TEAD1: variants seen among roughly 807,000 people sequenced by gnomAD.
The protein encoded by TEAD1 is TEA domain transcription factor 1.
A neutral mutation model predicts 54.9 loss-of-function variants in TEAD1; 9 were observed. The ratio of observed to expected loss-of-function variants is 0.16; its 90% confidence interval spans 0.10 to 0.29. The LOEUF (loss-of-function observed/expected upper bound fraction) is 0.29, where lower values mean the gene tolerates loss of function less well. TEAD1 is among the 10% of genes least tolerant of loss of function. TEAD1 has a pLI of 1.00. For missense variants in TEAD1, 387 were observed against 535.9 expected, an observed-to-expected ratio of 0.72 and a Z score of 2.74; for synonymous variants, 200 against 187.8, an observed-to-expected ratio of 1.07 and a Z score of -0.53.
At chr11:12,801,140 G>A (rs549776169) in intron 3 of TEAD1, among the ~76,000 whole-genome samples, 16 of 152,362 alleles carry the variant, frequency 1.1e-4, no homozygotes, top group African/African-American at 2.9e-4. Flanking sequence ...CATCTGCAAA[G>A]CAAGAATTTA....
chr11:12,865,121 G>C, intron 5 of TEAD1: 1 of 602,388 alleles, frequency 1.7e-6, no homozygotes, highest in East Asian at 2.9e-5. Flanking sequence ...GTGTGTGTGC[G>C]TGTGTATGTG....
intron 5 of TEAD1, among the ~76,000 whole-genome samples, chr11:12,874,749 A>T (rs1947820697): frequency 6.6e-6 from 1 of 152,126 alleles, no homozygotes; most frequent in South Asian, 2.1e-4. Context: ...TCCCATCAAA[A>T]GTCCATAGAC....
At chr11:12,792,662 A>G (rs1232597916) in intron 3 of TEAD1, among the ~76,000 whole-genome samples, 1 of 151,942 alleles carries the variant, frequency 6.6e-6, no homozygotes, top group South Asian at 2.1e-4. Context: ...CTTCAAAATA[A>G]GGGCAGTTAT....
chr11:12,730,765 A>G (rs764939129), intron 2 of TEAD1, among the ~76,000 whole-genome samples: 2 of 144,110 alleles, frequency 1.4e-5, no homozygotes, highest in African/African-American at 2.6e-5. Flanking sequence ...CACTAGTGCA[A>G]TCATGGCTCA....
chr11:12,858,305 T>C (rs567001704), intron 3 of TEAD1, among the ~76,000 whole-genome samples: 3 of 152,302 alleles, frequency 2.0e-5, no homozygotes, highest in East Asian at 1.9e-4. Context: ...ATTAAACATA[T>C]AAAATTTTAG....
At chr11:12,695,186 G>T (rs191948984) in intron 2 of TEAD1, among the ~76,000 whole-genome samples, 1 of 152,202 alleles carries the variant, frequency 6.6e-6, no homozygotes, top group Non-Finnish European at 1.5e-5. Context: ...TCACTAAAAG[G>T]CTCTGATAAG....
At chr11:12,891,219 T>C (rs938123108) in intron 9 of TEAD1, among the ~76,000 whole-genome samples, 1 of 152,252 alleles carries the variant, frequency 6.6e-6, no homozygotes, top group Non-Finnish European at 1.5e-5. Flanking sequence ...TATTCTCTTA[T>C]GAGGCTTTGT....
rs1945435524 is a variant in TEAD1 at position 12,776,936 on chromosome 11, A to G, written c.202+12502A>G. On this transcript the variant is annotated intron_variant, in intron 3 of 12. Transcript: ENST00000527636. Reference sequence around the variant, plus strand: ...CAGCCTCCGCAGTGGCTGGGATTACAGGCATGCACCACCATGCTCGGCTAA... The same window carrying G: ...CAGCCTCCGCAGTGGCTGGGATTACGGGCATGCACCACCATGCTCGGCTAA... Among the ~76,000 whole-genome samples, 4 of 151,972 alleles carry G rather than the reference A, an allele frequency of 2.6e-5. No individual in the cohort carries two copies. In the South Asian group the frequency reaches 8.3e-4, roughly 32 times the overall value.
intron 12 of TEAD1, among the ~76,000 whole-genome samples, chr11:12,930,750 C>G (rs934268942): frequency 3.3e-5 from 5 of 152,088 alleles, no homozygotes; most frequent in Non-Finnish European, 5.9e-5. Flanking sequence ...AAGTTTTAGT[C>G]TCAGCAGCAA....
chr11:12,717,612 G>C (rs915958597), intron 2 of TEAD1, among the ~76,000 whole-genome samples: 1 of 152,182 alleles, frequency 6.6e-6, no homozygotes, highest in Non-Finnish European at 1.5e-5. Flanking sequence ...GGAAGGGAGG[G>C]AGGAGGGGAA....
intron 2 of TEAD1, among the ~76,000 whole-genome samples, chr11:12,716,189 C>T (rs1440536094): frequency 6.6e-6 from 1 of 152,088 alleles, no homozygotes; most frequent in South Asian, 2.1e-4. Flanking sequence ...AAACTCCGGC[C>T]AACTCTCTCC....
intron 10 of TEAD1, chr11:12,921,271 T>A (rs1272803731): frequency 1.3e-5 from 2 of 152,198 alleles, no homozygotes; most frequent in Non-Finnish European, 2.9e-5. Flanking sequence ...GCATGGTGGC[T>A]TAGGCCTGTA....
intron 3 of TEAD1, among the ~76,000 whole-genome samples, chr11:12,825,399 A>C (rs978976302): frequency 1.3e-5 from 2 of 152,232 alleles, no homozygotes; most frequent in Non-Finnish European, 2.9e-5. Flanking sequence ...CTTACAGGAT[A>C]AAAGATTAGT....
intron 3 of TEAD1, among the ~76,000 whole-genome samples, chr11:12,836,174 G>T (rs965508174): frequency 7.2e-5 from 11 of 151,734 alleles, no homozygotes; most frequent in Non-Finnish European, 1.6e-4. Context: ...TAATCCCAGC[G>T]CTTCAGGAGG....
intron 2 of TEAD1, among the ~76,000 whole-genome samples, chr11:12,755,700 G>A (rs1299704296): frequency 6.6e-6 from 1 of 152,208 alleles, no homozygotes; most frequent in Non-Finnish European, 1.5e-5. Context: ...TTCCCAGGGT[G>A]GGAGTGACTT....
chr11:12,828,945 A>G (rs1946715456), intron 3 of TEAD1, among the ~76,000 whole-genome samples: 1 of 151,886 alleles, frequency 6.6e-6, no homozygotes. Context: ...TCTGCAGATG[A>G]TAATGTTTAT....
At chr11:12,825,268 GAAGA>G (rs1590188038) in intron 3 of TEAD1, among the ~76,000 whole-genome samples, 1 of 152,110 alleles carries the variant, frequency 6.6e-6, no homozygotes, top group Non-Finnish European at 1.5e-5. Context: ...TCCGGATTGG[GAAGA>G]AAGAAAGAAA....
At chr11:12,829,307 A>G (rs1033393522) in intron 3 of TEAD1, among the ~76,000 whole-genome samples, 3 of 152,158 alleles carry the variant, frequency 2.0e-5, no homozygotes, top group Non-Finnish European at 4.4e-5. Flanking sequence ...TGAATGAACA[A>G]ATGACCTTGC....
At chr11:12,727,326 C>T (rs1428922186) in intron 2 of TEAD1, among the ~76,000 whole-genome samples, 1 of 152,090 alleles carries the variant, frequency 6.6e-6, no homozygotes, top group African/African-American at 2.4e-5. Flanking sequence ...GAGAGACTGA[C>T]GCAGGAGAGG....
Sources: gnomAD v4.1 joint callset for allele counts (sites outside exome capture counted in the v4.1 genomes callset) on GRCh38, gnomAD v4.1.1 for gene constraint, MANE v1.5 for transcripts, NCBI Gene and HGNC (gene_info 2026-07-23, HGNC 2026-07-21) for gene names.